PLXNC1: variants seen among roughly 807,000 people sequenced by gnomAD.
PLXNC1 encodes the protein plexin C1.
In PLXNC1, 75 loss-of-function variants were observed where a neutral mutation model predicts 178.2. The observed-to-expected ratio is 0.42, with a 90% CI of 0.35 to 0.51. The LOEUF is 0.51. Ranked by LOEUF, PLXNC1 falls within the 20% of genes least tolerant of loss-of-function variation. The pLI, the probability that PLXNC1 is intolerant of heterozygous loss-of-function variation, is 0.02. For missense variants in PLXNC1, 1,503 were observed against 1,984.4 expected, an observed-to-expected ratio of 0.76 and a Z score of 4.61; for synonymous variants, 790 against 779.9, an observed-to-expected ratio of 1.01 and a Z score of -0.22.
Position 94,284,166 on chromosome 12 carries a change from C to G in PLXNC1, c.3879+1765C>G, listed in dbSNP as rs1211792822. On this transcript the variant is annotated intron_variant, in intron 23 of 30. Transcript: ENST00000258526. ...TTAGGTTTTACAATAGTGATTTTATCCCCAGGAGCAATTTGGGGAGAGTCA... is the reference window on the plus strand; with the variant it reads ...TTAGGTTTTACAATAGTGATTTTATGCCCAGGAGCAATTTGGGGAGAGTCA... Among the ~76,000 whole-genome samples, 3 of 151,384 alleles carry G rather than the reference C, an allele frequency of 2.0e-5. No homozygotes were observed. The East Asian group carries it at 5.8e-4, about 29-fold the overall frequency.
intron 2 of PLXNC1, among the ~76,000 whole-genome samples, chr12:94,175,782 A>T (rs951282286): frequency 6.6e-6 from 1 of 152,258 alleles, no homozygotes; most frequent in African/African-American, 2.4e-5. Context: ...GGTGCTGAAT[A>T]TACAAAGGTG....
Position 94,198,138 on chromosome 12 carries a change from C to A in PLXNC1, c.1440-11452C>A, listed in dbSNP as rs147036166. 2.7e-3 allele frequency among the ~76,000 whole-genome samples: 406 copies of A among 152,184 alleles called. 2 individuals carry two copies. Among genetic ancestry groups the A allele is most frequent in the African/African-American group, 9.4e-3 (390 of 41,498 alleles). On this transcript the variant is annotated intron_variant, in intron 4 of 30. Coordinates refer to ENST00000258526, the MANE Select transcript of PLXNC1 (RefSeq NM_005761.3). ...CATGGAATCAACCCAAATGCCCATCCATGATAGACTGGATAAAGAAAATGT... is the reference window on the plus strand; with the variant it reads ...CATGGAATCAACCCAAATGCCCATCAATGATAGACTGGATAAAGAAAATGT...
chr12:94,151,360 AC>A, intron 1 of PLXNC1, among the ~76,000 whole-genome samples: 1 of 152,280 alleles, frequency 6.6e-6, no homozygotes, highest in South Asian at 2.1e-4. Context: ...GCTTCTTAGA[AC>A]GGTCACTTGC....
chr12:94,233,679 G>A (rs947460483), intron 9 of PLXNC1, among the ~76,000 whole-genome samples: 12 of 152,138 alleles, frequency 7.9e-5, no homozygotes, highest in Admixed American at 3.9e-4. Flanking sequence ...AGGGGCCCCC[G>A]TGAAAAGGCA....
rs1363481585 is a variant in PLXNC1, at chr12:94,260,444, C to T, written c.3252-198C>T. Among the ~76,000 whole-genome samples, 1 of 151,342 alleles carries T rather than the reference C, an allele frequency of 6.6e-6. No homozygotes were observed. The highest frequency in any genetic ancestry group is 6.6e-5 in the Admixed American group (1 of 15,174). ...TTGGAAGACTCACATCTTGTTACCA[C>T]TCTAGTTTAAATGCTGAAAACACAG... On this transcript the variant is annotated intron_variant, in intron 19 of 30. Transcript: ENST00000258526. This position sits in a 1 kb window ranked among gnomAD's most constrained non-coding sequence, Gnocchi z 4.4.
At chr12:94,303,931 GT>G in intron 29 of PLXNC1, 35 bp downstream of exon 29, 1 of 1,606,050 alleles carries the variant, frequency 6.2e-7, no homozygotes, top group Non-Finnish European at 8.5e-7. Context: ...CTTATATTTG[GT>G]TACTTTACGT....
At chr12:94,173,940 C>G (rs529725715) in intron 2 of PLXNC1, among the ~76,000 whole-genome samples, 1 of 152,162 alleles carries the variant, frequency 6.6e-6, no homozygotes, top group South Asian at 2.1e-4. Context: ...AGCTTTACCC[C>G]AGTGGGCTCC....
chr12:94,169,145 A>G lies in PLXNC1; in HGVS notation c.1063-8A>G, dbSNP rs1248961794. On this transcript the variant is annotated splice_region_variant and splice_polypyrimidine_tract_variant and intron_variant, in intron 1 of 30. Coordinates refer to ENST00000258526, the MANE Select transcript of PLXNC1 (RefSeq NM_005761.3). ...ATTATTTTTTTGTGCGTTTGTGTGC[A>G]TGTTCAGAAAGAAGGGGATCAACCT... The G allele has an allele frequency of 6.2e-7, 1 of 1,612,112 alleles. No homozygotes were observed. The highest frequency in any genetic ancestry group is 8.5e-7 in the Non-Finnish European group (1 of 1,178,968).
intron 24 of PLXNC1, among the ~76,000 whole-genome samples, chr12:94,295,153 T>C (rs1477605486): frequency 6.6e-6 from 1 of 152,200 alleles, no homozygotes; most frequent in Non-Finnish European, 1.5e-5. Context: ...CTCTCAGCCC[T>C]TGGAAAGGTT....
At position 94,150,590 on chromosome 12, in the gene PLXNC1, G is replaced by T. The variant is rs574107079; in HGVS notation, c.1062+557G>T. On this transcript the variant is annotated intron_variant, in intron 1 of 30. Coordinates refer to ENST00000258526, the MANE Select transcript of PLXNC1 (RefSeq NM_005761.3). ...CTGTGGTCTGAAGAGTTGCTAGCCCGCTCAGCGTGGAGAAATGCCAGCCTG... is the reference window on the plus strand; with the variant it reads ...CTGTGGTCTGAAGAGTTGCTAGCCCTCTCAGCGTGGAGAAATGCCAGCCTG... Among the ~76,000 whole-genome samples the T allele has an allele frequency of 2.1e-3, 317 of 152,356 alleles. 3 individuals are homozygous for T. Among genetic ancestry groups the T allele is most frequent in the Admixed American group, 0.018 (281 of 15,314 alleles).
chr12:94,176,087 G>A lies in PLXNC1; in HGVS notation c.1204-5359G>A, dbSNP rs191161560. Among the ~76,000 whole-genome samples, 18 of 152,278 alleles carry A rather than the reference G, an allele frequency of 1.2e-4. No homozygotes were observed. In the South Asian group the frequency reaches 2.1e-3, roughly 18 times the overall value. ...ATCCTGGAAGATAAAAATCCACATC[G>A]TGCCCAAGGATTGTGTGTGTGAATT... On this transcript the variant is annotated intron_variant, in intron 2 of 30. Coordinates refer to ENST00000258526, the MANE Select transcript of PLXNC1 (RefSeq NM_005761.3).
chr12:94,257,908 C>CAAAA lies in PLXNC1; in HGVS notation c.3088-1424_3088-1421dup, dbSNP rs562649991. Among the ~76,000 whole-genome samples the CAAAA allele has an allele frequency of 5.5e-3, 784 of 142,042 alleles. 11 individuals are homozygous for CAAAA. Among genetic ancestry groups the CAAAA allele is most frequent in the Non-Finnish European group, 8.2e-3 (540 of 66,210 alleles). 93.2% of individuals were successfully genotyped at this position (142,042 alleles called of 152,430 possible). Reference sequence around the variant, plus strand: ...TGGGCGACAGAGCGAGACTCTGTCTCAAAAAAAATAATAAATAAATAAAAA... The same window carrying CAAAA: ...TGGGCGACAGAGCGAGACTCTGTCTCAAAAAAAAAAAATAATAAATAAATAAAAA... On this transcript the variant is annotated intron_variant, in intron 17 of 30. Transcript: ENST00000258526.
chr12:94,198,538 T>G (rs975619091), intron 4 of PLXNC1, among the ~76,000 whole-genome samples: 3 of 151,988 alleles, frequency 2.0e-5, no homozygotes, highest in Non-Finnish European at 4.4e-5. Flanking sequence ...CCTCATGGAG[T>G]TCCCTCTAGT....
chr12:94,211,619 T>C (rs912629826), intron 5 of PLXNC1, among the ~76,000 whole-genome samples: 1 of 152,204 alleles, frequency 6.6e-6, no homozygotes, highest in Admixed American at 6.5e-5. Context: ...AAAACCTCCA[T>C]ATAATAAGAA....
At chr12:94,236,324 C>T (rs909153762) in intron 9 of PLXNC1, among the ~76,000 whole-genome samples, 2 of 152,204 alleles carry the variant, frequency 1.3e-5, no homozygotes, top group Admixed American at 6.5e-5. Flanking sequence ...TGCCGTGTAG[C>T]ACCTGTGTGT....
At chr12:94,258,188 G>T (rs528724661) in intron 17 of PLXNC1, among the ~76,000 whole-genome samples, 4 of 152,276 alleles carry the variant, frequency 2.6e-5, no homozygotes, top group Admixed American at 2.6e-4. Flanking sequence ...CCGTATTTAC[G>T]ATTAAGAATC....
In PLXNC1 at chr12:94,181,436, A is replaced by C; in HGVS notation, c.1204-10A>C. On this transcript the variant is annotated splice_polypyrimidine_tract_variant and intron_variant, in intron 2 of 30. Coordinates refer to ENST00000258526, the MANE Select transcript of PLXNC1 (RefSeq NM_005761.3). ...GAAATCATGTTTCTCTTTTTGAAAA[A>C]AAAAAATAGGTTATTCTTGGTGAGA... is the stretch of plus-strand genomic sequence containing the variant. 1 of 1,521,070 alleles carries C rather than the reference A, an allele frequency of 6.6e-7. No homozygotes were observed. The allele number at this position is 1,521,070 out of a possible 1,614,324, so 94.2% of individuals were successfully genotyped here. A position where few individuals can be genotyped will look rare whatever the true frequency, so the allele number is the denominator to read the frequency against.
intron 1 of PLXNC1, among the ~76,000 whole-genome samples, chr12:94,168,911 CG>C: frequency 6.6e-6 from 1 of 152,224 alleles, no homozygotes; most frequent in Middle Eastern, 3.4e-3. Context: ...ATGGCCAGCT[CG>C]CTTTGGCACT....
At chr12:94,280,619 C>A (rs1403906634) in intron 22 of PLXNC1, among the ~76,000 whole-genome samples, 3 of 152,200 alleles carry the variant, frequency 2.0e-5, no homozygotes, top group Non-Finnish European at 4.4e-5. Context: ...CGTTGAGTCA[C>A]TTGAGGACCA....
Sources: gnomAD v4.1 joint callset for allele counts (sites outside exome capture counted in the v4.1 genomes callset) on GRCh38, gnomAD v4.1.1 for gene constraint, Gnocchi (gnomAD v3.1) non-coding constraint, MANE v1.5 for transcripts, NCBI Gene and HGNC (gene_info 2026-07-23, HGNC 2026-07-21) for gene names.